The following MBOAT2 variants were observed in gnomAD, a reference collection of about 807,000 sequenced individuals.
The protein encoded by MBOAT2 is membrane-bound glycerophospholipid O-acyltransferase 2.
Under a neutral mutation model 63.4 loss-of-function variants are expected in MBOAT2, and 28 were observed. The ratio of observed to expected loss-of-function variants is 0.44; its 90% confidence interval spans 0.33 to 0.61. The LOEUF is 0.61. MBOAT2 is among the 20% of genes least tolerant of loss of function. MBOAT2 has a pLI of 0.03. For synonymous variants in MBOAT2, 211 were observed against 215.6 expected (o/e 0.98, Z 0.19); for missense variants, 470 against 605.8 (o/e 0.78, Z 2.35).
chr2:8,874,750 A>G (rs1662581933), intron 7 of MBOAT2, among the ~76,000 whole-genome samples: 1 of 152,156 alleles, frequency 6.6e-6, no homozygotes, highest in Non-Finnish European at 1.5e-5. Flanking sequence ...CATGACAGAG[A>G]CTGCCAAGTG....
At position 8,936,783 on chromosome 2, in the gene MBOAT2, T is replaced by C. The variant is rs554354285; in HGVS notation, c.299+6404A>G. 3.7e-5 allele frequency among the ~76,000 whole-genome samples: 3 copies of C among 81,164 alleles called. No homozygotes were observed. In the East Asian group the frequency reaches 9.5e-4, roughly 26 times the overall value. The allele number at this position is 81,164 out of a possible 152,430, so 53.2% of individuals were successfully genotyped here. A position where few individuals can be genotyped will look rare whatever the true frequency, so the allele number is the denominator to read the frequency against. On this transcript the variant is annotated intron_variant, in intron 3 of 12. Transcript: ENST00000305997. ...GCCTGAGCTACAGAGGGAGACTCCGTCTCAAAAAAAAAAAAAAAAAAAGAA... is the reference window on the plus strand; with the variant it reads ...GCCTGAGCTACAGAGGGAGACTCCGCCTCAAAAAAAAAAAAAAAAAAAGAA...
At position 8,884,163 on chromosome 2, in the gene MBOAT2, G is replaced by C. The variant is rs1310546025; in HGVS notation, c.452-1598C>G. Among the ~76,000 whole-genome samples, 87 of 130,626 alleles carry C rather than the reference G, an allele frequency of 6.7e-4. 1 individual carries two copies. The highest frequency in any genetic ancestry group is 2.3e-4 in the Non-Finnish European group (15 of 64,716). The allele number at this position is 130,626 out of a possible 152,430, so 85.7% of individuals were successfully genotyped here. ...AGGCAGGAGAATCACTTGAATCTGGGAAGTGGAGGTTTCAGTGAGCCAAGA... is the reference window on the plus strand; with the variant it reads ...AGGCAGGAGAATCACTTGAATCTGGCAAGTGGAGGTTTCAGTGAGCCAAGA... On this transcript the variant is annotated intron_variant, in intron 5 of 12. Transcript: ENST00000305997.
intron 2 of MBOAT2, among the ~76,000 whole-genome samples, chr2:8,950,964 T>C (rs1668785400): frequency 6.6e-6 from 1 of 152,214 alleles, no homozygotes; most frequent in Non-Finnish European, 1.5e-5. Context: ...TGAACCATCC[T>C]TGCATCTGAG....
intron 4 of MBOAT2, among the ~76,000 whole-genome samples, chr2:8,897,782 G>A (rs1664593278): frequency 6.6e-6 from 1 of 152,214 alleles, no homozygotes; most frequent in Non-Finnish European, 1.5e-5. Flanking sequence ...TTTGTTGGCA[G>A]TCATGCTCGA....
chr2:8,974,267 T>C, intron 1 of MBOAT2: 2 of 425,806 alleles, frequency 4.7e-6, no homozygotes, highest in South Asian at 1.6e-5. Context: ...GGAATGTAAC[T>C]GTGCTGCAAT....
In MBOAT2 at chr2:8,958,651, A is replaced by C; in HGVS notation, c.76-9T>G. 1 of 1,549,820 alleles carries C rather than the reference A, an allele frequency of 6.5e-7. No individual in the cohort carries two copies. The highest frequency in any genetic ancestry group is 8.7e-7 in the Non-Finnish European group (1 of 1,152,928). On this transcript the variant is annotated splice_polypyrimidine_tract_variant and intron_variant, in intron 1 of 12. Coordinates refer to ENST00000305997, the MANE Select transcript of MBOAT2 (RefSeq NM_138799.4). ...CACACTACAAAGTTGACCTGTAAAG[A>C]AAAATTAAAATTTTGTATTAGCAAC... is the stretch of plus-strand genomic sequence containing the variant.
chr2:8,987,358 A>G (rs902101459), intron 1 of MBOAT2, among the ~76,000 whole-genome samples: 1 of 152,230 alleles, frequency 6.6e-6, no homozygotes, highest in African/African-American at 2.4e-5. Flanking sequence ...TACAAGGGTT[A>G]CACAGGTTAT....
intron 3 of MBOAT2, among the ~76,000 whole-genome samples, chr2:8,935,434 G>C (rs1044208892): frequency 1.3e-5 from 2 of 152,204 alleles, no homozygotes; most frequent in African/African-American, 2.4e-5. Context: ...CCCTGCCAAG[G>C]AGTTCACACT....
chr2:8,888,135 A>G (rs951237438), intron 4 of MBOAT2, 62 bp from the exon 5 acceptor site: 1 of 1,444,022 alleles, frequency 6.9e-7, no homozygotes. Context: ...TACTTATGAC[A>G]TATGAGTTAA....
At chr2:8,920,746 A>C (rs565022047) in intron 3 of MBOAT2, among the ~76,000 whole-genome samples, 75 of 152,290 alleles carry the variant, frequency 4.9e-4, no homozygotes, top group African/African-American at 1.8e-3. Context: ...TATTAGATTT[A>C]TTTCTAAGTA....
intron 4 of MBOAT2, among the ~76,000 whole-genome samples, chr2:8,889,530 G>GAACACCCGATTGCTATTTCTGC (rs1161823177): frequency 5.3e-5 from 8 of 152,142 alleles, no homozygotes; most frequent in African/African-American, 1.9e-4. Context: ...AGGTGGCTTG[G>GAACACCCGATTGCTATTTCTGC]AACACCCGAT....
intron 2 of MBOAT2, among the ~76,000 whole-genome samples, chr2:8,957,167 G>A (rs773768192): frequency 2.4e-4 from 36 of 152,198 alleles, no homozygotes; most frequent in Non-Finnish European, 4.7e-4. Flanking sequence ...GAAGCTGAGT[G>A]ATGGGCATAT....
intron 4 of MBOAT2, among the ~76,000 whole-genome samples, chr2:8,900,656 G>A (rs1029907753): frequency 2.0e-5 from 3 of 152,090 alleles, no homozygotes; most frequent in African/African-American, 7.2e-5. Flanking sequence ...AATAGAAAGG[G>A]GAGCTATAGG....
chr2:8,993,738 C>G (rs1345719328), intron 1 of MBOAT2, among the ~76,000 whole-genome samples: 1 of 152,214 alleles, frequency 6.6e-6, no homozygotes, highest in Non-Finnish European at 1.5e-5. Flanking sequence ...CTGAAAATCA[C>G]TGCATTCAAC....
Position 8,860,736 on chromosome 2 carries a change from A to G in MBOAT2, c.1214T>C (p.Ile405Thr). The change falls in exon 12 of 13, where the codon ATT (isoleucine) becomes ACT (threonine). Residue 405 changes from isoleucine (I) to threonine (T), a missense_variant. By Grantham distance (89) the Ile-to-Thr change is moderately conservative (BLOSUM62 -1). Transcript: ENST00000305997. ...AMRNNFRHYFIEPSQLKLFYD... is the reference protein window; with the variant it reads ...AMRNNFRHYFTEPSQLKLFYD... ...AAATAATTTCAGTTGGGAAGGTTCA[A>G]TGAAATAATGTCTAAAGTTATTTCT... is the stretch of plus-strand genomic sequence containing the variant. 1.9e-6 allele frequency: 3 copies of G among 1,591,570 alleles called. No individual in the cohort carries two copies. Among genetic ancestry groups the G allele is most frequent in the Non-Finnish European group, 1.7e-6 (2 of 1,163,154 alleles).
chr2:8,910,882 G>T (rs934722597), intron 3 of MBOAT2, among the ~76,000 whole-genome samples: 2 of 152,164 alleles, frequency 1.3e-5, no homozygotes, highest in African/African-American at 4.8e-5. Flanking sequence ...AAGCAGTCTA[G>T]GAAAGCTATT....
chr2:8,979,381 T>C (rs531875914), intron 1 of MBOAT2, among the ~76,000 whole-genome samples: 7 of 152,272 alleles, frequency 4.6e-5, no homozygotes, highest in African/African-American at 1.4e-4. Flanking sequence ...CAGACATTGC[T>C]ACCAAAGAAA....
intron 1 of MBOAT2, chr2:8,974,482 A>C (rs769780321): frequency 4.4e-6 from 2 of 455,250 alleles, no homozygotes; most frequent in South Asian, 3.1e-5. Flanking sequence ...TAAAGAACCC[A>C]GGCCTTGATG....
intron 1 of MBOAT2, among the ~76,000 whole-genome samples, chr2:8,972,316 T>C (rs1670513053): frequency 6.6e-6 from 1 of 152,236 alleles, no homozygotes; most frequent in Admixed American, 6.5e-5. Context: ...GCTAGCCATA[T>C]GTAGAAAGCT....
Sources: gnomAD v4.1 joint callset for allele counts (sites outside exome capture counted in the v4.1 genomes callset) on GRCh38, gnomAD v4.1.1 for gene constraint, MANE v1.5 for transcripts, NCBI Gene and HGNC (gene_info 2026-07-23, HGNC 2026-07-21) for gene names.